The following DPP10 variants were observed in gnomAD, a reference collection of about 807,000 sequenced individuals.
DPP10 encodes dipeptidyl peptidase like 10.
In DPP10, 33 loss-of-function variants were observed where a neutral mutation model predicts 120.9. That is an observed-to-expected ratio of 0.27 (90% confidence interval 0.21 to 0.37). The LOEUF (loss-of-function observed/expected upper bound fraction) is 0.37. Among genes scored for constraint, DPP10 ranks in the 10% least tolerant of loss-of-function variants. The probability of loss-of-function intolerance (pLI) is 1.00; values close to 1 mark genes in which losing one functional copy is unlikely to be tolerated. For synonymous variants in DPP10, 337 were observed against 326.1 expected, an observed-to-expected ratio of 1.03 and a Z score of -0.36; for missense variants, 816 against 942.8, an observed-to-expected ratio of 0.87 and a Z score of 1.76.
chr2:115,532,530 A>G (rs757825856), intron 5 of DPP10, among the ~76,000 whole-genome samples: 3 of 152,094 alleles, frequency 2.0e-5, no homozygotes, highest in African/African-American at 4.8e-5. Context: ...ACATATTACA[A>G]TATCAAACAA....
intron 3 of DPP10, among the ~76,000 whole-genome samples, chr2:115,405,451 T>A (rs932395407): frequency 6.6e-6 from 1 of 152,164 alleles, no homozygotes; most frequent in Non-Finnish European, 1.5e-5. Context: ...TGCTGGTGCC[T>A]GCAGATTTCC....
intron 1 of DPP10, among the ~76,000 whole-genome samples, chr2:114,670,838 C>T (rs1360063589): frequency 1.3e-5 from 2 of 152,068 alleles, no homozygotes; most frequent in African/African-American, 4.8e-5. Flanking sequence ...CATCCATCAT[C>T]TTAGAAGTAA....
intron 5 of DPP10, among the ~76,000 whole-genome samples, chr2:115,630,865 A>G (rs4414684): frequency 6.6e-6 from 1 of 152,102 alleles, no homozygotes; most frequent in Admixed American, 6.5e-5. Flanking sequence ...GGCCTGAAAT[A>G]TTCTTTGTGG....
intron 5 of DPP10, among the ~76,000 whole-genome samples, chr2:115,573,618 C>G (rs1327019137): frequency 9.6e-6 from 1 of 103,914 alleles, no homozygotes; most frequent in Non-Finnish European, 1.9e-5. Flanking sequence ...GACAGAGTCT[C>G]ACTCTGTCAC....
chr2:115,425,752 T>C (rs1388057959), intron 3 of DPP10, among the ~76,000 whole-genome samples: 1 of 152,176 alleles, frequency 6.6e-6, no homozygotes, highest in Non-Finnish European at 1.5e-5. Context: ...CTGGGAAATT[T>C]ATAAATAAAA....
At chr2:115,001,738 C>T (rs540006294) in intron 1 of DPP10, among the ~76,000 whole-genome samples, 3 of 152,200 alleles carry the variant, frequency 2.0e-5, no homozygotes, top group Non-Finnish European at 4.4e-5. Context: ...ACACTAGCAA[C>T]ATCCAAGCTG....
rs551560811 is a variant in DPP10, at chr2:115,350,589, T to A, written c.271+6677T>A. ...CTGCCTGTGCCTTTTTTCTCAGAGA[T>A]CTGTATGAAAAGGAGGTACAGAGAG... On this transcript the variant is annotated intron_variant, in intron 3 of 25. Transcript: ENST00000410059. 4.6e-5 allele frequency among the ~76,000 whole-genome samples: 7 copies of A among 152,190 alleles called. No homozygotes were observed. In the East Asian group the frequency reaches 1.4e-3, roughly 29 times the overall value.
chr2:115,407,934 G>A (rs998148254), intron 3 of DPP10, among the ~76,000 whole-genome samples: 3 of 152,038 alleles, frequency 2.0e-5, no homozygotes, highest in South Asian at 4.2e-4. Flanking sequence ...TTCAAAAGGG[G>A]TACAGACTGA....
intron 1 of DPP10, among the ~76,000 whole-genome samples, chr2:114,993,690 A>C (rs1240917268): frequency 1.3e-5 from 2 of 151,202 alleles, no homozygotes; most frequent in East Asian, 2.0e-4. Flanking sequence ...CAGAGCGTGC[A>C]TATGCTTGCA....
intron 1 of DPP10, among the ~76,000 whole-genome samples, chr2:114,655,010 A>G (rs1696868009): frequency 1.3e-5 from 2 of 152,174 alleles, no homozygotes; most frequent in South Asian, 4.1e-4. Flanking sequence ...TTGACTTAGC[A>G]TTAGACTTAG....
intron 1 of DPP10, among the ~76,000 whole-genome samples, chr2:114,897,598 T>C (rs1693138267): frequency 1.3e-5 from 2 of 151,778 alleles, no homozygotes; most frequent in Admixed American, 1.3e-4. Context: ...AACCTACTCA[T>C]CTGACAAAGG....
At chr2:115,363,441 A>T (rs1055904009) in intron 3 of DPP10, among the ~76,000 whole-genome samples, 2 of 152,184 alleles carry the variant, frequency 1.3e-5, no homozygotes, top group African/African-American at 4.8e-5. Context: ...GGTCTGAACC[A>T]TTCAGCTGTG....
intron 1 of DPP10, among the ~76,000 whole-genome samples, chr2:114,606,680 T>C (rs751185669): frequency 2.6e-5 from 4 of 152,158 alleles, no homozygotes; most frequent in Non-Finnish European, 5.9e-5. Flanking sequence ...CAAAGCCTTA[T>C]ATCATCAGCA....
intron 19 of DPP10, among the ~76,000 whole-genome samples, chr2:115,804,563 T>C (rs1172219641): frequency 1.3e-5 from 2 of 152,232 alleles, no homozygotes; most frequent in Non-Finnish European, 2.9e-5. Context: ...TTTGTGGTTT[T>C]ATCTACCTTT....
intron 1 of DPP10, among the ~76,000 whole-genome samples, chr2:115,037,605 A>C (rs969512321): frequency 1.3e-5 from 2 of 152,194 alleles, no homozygotes; most frequent in African/African-American, 4.8e-5. Flanking sequence ...GGAATTTGTT[A>C]ATAATGCAGG....
chr2:114,989,510 A>G (rs536313154), intron 1 of DPP10, among the ~76,000 whole-genome samples: 1 of 152,312 alleles, frequency 6.6e-6, no homozygotes, highest in Admixed American at 6.5e-5. Context: ...AGCAAGTTGT[A>G]AAGGTCTTGA....
chr2:115,736,800 G>A (rs569823737), intron 8 of DPP10, among the ~76,000 whole-genome samples: 1 of 152,298 alleles, frequency 6.6e-6, no homozygotes, highest in South Asian at 2.1e-4. Context: ...GAGGCTGACG[G>A]ACATGTACTT....
intron 19 of DPP10, among the ~76,000 whole-genome samples, chr2:115,812,365 T>G (rs1179424404): frequency 2.0e-5 from 3 of 152,214 alleles, no homozygotes; most frequent in Non-Finnish European, 4.4e-5. Flanking sequence ...CAACAAGCAT[T>G]GGCTGTGTCC....
intron 11 of DPP10, among the ~76,000 whole-genome samples, chr2:115,759,628 A>G (rs932694854): frequency 3.3e-5 from 5 of 152,114 alleles, no homozygotes; most frequent in African/African-American, 9.7e-5. Flanking sequence ...GAAGTTAAAC[A>G]TATGTAAACA....
Sources: gnomAD v4.1 joint callset for allele counts (sites outside exome capture counted in the v4.1 genomes callset) on GRCh38, gnomAD v4.1.1 for gene constraint, MANE v1.5 for transcripts, NCBI Gene and HGNC (gene_info 2026-07-23, HGNC 2026-07-21) for gene names.